TEAD4: variants seen among roughly 807,000 people sequenced by gnomAD.
The protein encoded by TEAD4 is transcriptional enhancer factor TEF-3.
TEAD4 carries 36 observed loss-of-function variants against 52.4 expected under a neutral mutation model. The observed-to-expected ratio is 0.69, with a 90% CI of 0.53 to 0.91. TEAD4 has a LOEUF of 0.91. Ranked by LOEUF, TEAD4 falls within the 40% of genes least tolerant of loss-of-function variation. The pLI is 0.00. For missense variants in TEAD4, 508 were observed against 583.9 expected (o/e 0.87, Z 1.34); for synonymous variants, 220 against 231.0 (o/e 0.95, Z 0.43).
intron 2 of TEAD4, among the ~76,000 whole-genome samples, chr12:2,977,536 G>A (rs991646775): frequency 6.6e-5 from 10 of 152,196 alleles, no homozygotes; most frequent in African/African-American, 2.2e-4. Flanking sequence ...AGGTGCTGCC[G>A]TGCATTGCCT....
intron 2 of TEAD4, among the ~76,000 whole-genome samples, chr12:2,969,938 A>G (rs577627325): frequency 1.1e-4 from 17 of 152,294 alleles, no homozygotes; most frequent in African/African-American, 3.8e-4. Context: ...TTTAAAAAGT[A>G]AAAAGAGCTG....
chr12:2,962,333 A>ATATAAATATATATAT (rs1565518244), intron 2 of TEAD4, among the ~76,000 whole-genome samples: 1 of 38,048 alleles, frequency 2.6e-5, no homozygotes, highest in African/African-American at 5.4e-5. Flanking sequence ...TATAAATATA[A>ATATAAATATATATAT]ATATATATAT....
chr12:3,019,003 C>A, intron 7 of TEAD4, 112 bp from the exon 8 acceptor site: 1 of 1,347,740 alleles, frequency 7.4e-7, no homozygotes, highest in Non-Finnish European at 1.0e-6. Context: ...CCCATCGGGA[C>A]CACTGAAATC....
intron 3 of TEAD4, among the ~76,000 whole-genome samples, chr12:2,995,348 C>G (rs1417894460): frequency 6.6e-6 from 1 of 152,100 alleles, no homozygotes; most frequent in South Asian, 2.1e-4. Context: ...GAAGGATGCT[C>G]ACTCATCCCC....
rs149106714 is a variant in TEAD4 at position 2,985,464 on chromosome 12, T to C, written c.-29-9274T>C. ...TGTACAAAAATATTTTCTTAATTTA[T>C]ATCTTTATTCTATAAGCCTTCTTCT... On this transcript the variant is annotated intron_variant, in intron 2 of 12. Coordinates refer to ENST00000359864, the MANE Select transcript of TEAD4 (RefSeq NM_003213.4). Among the ~76,000 whole-genome samples, 385 of 151,640 alleles carry C rather than the reference T, an allele frequency of 2.5e-3. 1 individual carries two copies. The highest frequency in any genetic ancestry group is 8.8e-3 in the African/African-American group (366 of 41,388).
chr12:3,006,748 G>A (rs772968191), intron 3 of TEAD4, among the ~76,000 whole-genome samples: 17 of 151,300 alleles, frequency 1.1e-4, no homozygotes, highest in Non-Finnish European at 1.9e-4. Context: ...AAGATGGGCC[G>A]GGTGTGGTGG....
chr12:3,013,461 A>G (rs1465628845), intron 5 of TEAD4, among the ~76,000 whole-genome samples: 1 of 151,282 alleles, frequency 6.6e-6, no homozygotes, highest in East Asian at 2.0e-4. Flanking sequence ...CTGGGAGGCC[A>G]GGCGCGGTGG....
At chr12:2,972,875 G>C (rs73246950) in intron 2 of TEAD4, among the ~76,000 whole-genome samples, 27,553 of 151,934 alleles carry the variant, frequency 0.18, 3,847 homozygotes, top group African/African-American at 0.39. Context: ...GCAAAATACA[G>C]TGTTTTTGGT....
chr12:3,040,269 G>A lies in TEAD4; in HGVS notation c.1191+10G>A, dbSNP rs370793269. 811 of 1,614,020 alleles carry A rather than the reference G, an allele frequency of 5.0e-4. 1 individual carries two copies. The highest frequency in any genetic ancestry group is 6.1e-4 in the Non-Finnish European group (719 of 1,179,996). ...CTTCACCATCCTGCAGGTGTGCGGC[G>A]GGTGCTGCGGGTGTGGCTGGAGTCT... On this transcript the variant is annotated intron_variant, in intron 12 of 12. Coordinates refer to ENST00000359864, the MANE Select transcript of TEAD4 (RefSeq NM_003213.4).
intron 2 of TEAD4, among the ~76,000 whole-genome samples, chr12:2,992,042 G>A (rs1273445388): frequency 3.0e-4 from 43 of 144,404 alleles, no homozygotes; most frequent in African/African-American, 9.0e-4. Flanking sequence ...TTTTTGAGGC[G>A]GAGTCTCGCT....
At chr12:2,977,042 C>G (rs572255888) in intron 2 of TEAD4, among the ~76,000 whole-genome samples, 1 of 151,490 alleles carries the variant, frequency 6.6e-6, no homozygotes, top group South Asian at 2.1e-4. Context: ...GGGCAATGAC[C>G]GTGAATCACG....
At position 3,039,457 on chromosome 12, in the gene TEAD4, C is replaced by G. The variant is rs144004363; in HGVS notation, c.1039-650C>G. 8.3e-3 allele frequency among the ~76,000 whole-genome samples: 1,259 copies of G among 152,234 alleles called. 21 individuals carry two copies. Among genetic ancestry groups the G allele is most frequent in the African/African-American group, 0.029 (1,192 of 41,550 alleles). ...AGATTTCACCAGTTTTATCGGCACTCCTATGTGCGCTTGCATGCGTGTGTG... is the reference window on the plus strand; with the variant it reads ...AGATTTCACCAGTTTTATCGGCACTGCTATGTGCGCTTGCATGCGTGTGTG... On this transcript the variant is annotated intron_variant, in intron 11 of 12. Transcript: ENST00000359864.
chr12:2,964,233 C>T (rs1214185364), intron 2 of TEAD4, among the ~76,000 whole-genome samples: 1 of 152,190 alleles, frequency 6.6e-6, no homozygotes, highest in East Asian at 1.9e-4. Context: ...CACGCTCGCC[C>T]CTGCCAGGAC....
At chr12:3,023,200 G>GC (rs768672330) in intron 10 of TEAD4, among the ~76,000 whole-genome samples, 8 of 152,276 alleles carry the variant, frequency 5.3e-5, no homozygotes, top group Middle Eastern at 3.4e-3. Context: ...TGAGGGATGG[G>GC]CACATCTATT....
chr12:3,020,217 C>T (rs1258316514), intron 8 of TEAD4, among the ~76,000 whole-genome samples: 5 of 152,320 alleles, frequency 3.3e-5, no homozygotes, highest in South Asian at 2.1e-4. Context: ...AAACAGGAAA[C>T]GTCCCCGTCT....
chr12:2,970,534 G>T (rs949923664), intron 2 of TEAD4, among the ~76,000 whole-genome samples: 3 of 152,244 alleles, frequency 2.0e-5, no homozygotes, highest in African/African-American at 7.2e-5. Context: ...GTCGAAGCTG[G>T]AATTTGTAAG....
chr12:3,017,425 C>T lies in TEAD4; in HGVS notation c.382C>T (p.Gln128Ter). Reference sequence around the variant, plus strand: ...CCAGGCAGCTAAGGACAAGGCCCTGCAGAGCATGGCTGCCATGTCGTCTGC... The same window carrying T: ...CCAGGCAGCTAAGGACAAGGCCCTGTAGAGCATGGCTGCCATGTCGTCTGC... Residue 128 changes from glutamine to a stop codon, truncating the protein, a stop_gained, in exon 6 of 13, where the codon CAG becomes TAG. Transcript: ENST00000359864. LOFTEE classifies it high-confidence loss of function. 6.2e-7 allele frequency: 1 copy of T among 1,614,156 alleles called. No homozygotes were observed. The highest frequency in any genetic ancestry group is 8.5e-7 in the Non-Finnish European group (1 of 1,180,046).
chr12:2,995,377 A>G (rs952783309), intron 3 of TEAD4, among the ~76,000 whole-genome samples: 1 of 152,122 alleles, frequency 6.6e-6, no homozygotes, highest in Non-Finnish European at 1.5e-5. Flanking sequence ...TCACTCATTC[A>G]TGCAACAAAC....
intron 2 of TEAD4, among the ~76,000 whole-genome samples, chr12:2,988,081 C>CAAAAT (rs1025343401): frequency 1.3e-5 from 2 of 151,288 alleles, no homozygotes; most frequent in East Asian, 4.0e-4. Context: ...AAAACAAAAA[C>CAAAAT]AAAATAAAAT....
Sources: gnomAD v4.1 joint callset for allele counts (sites outside exome capture counted in the v4.1 genomes callset) on GRCh38, gnomAD v4.1.1 for gene constraint, MANE v1.5 for transcripts, NCBI Gene and HGNC (gene_info 2026-07-23, HGNC 2026-07-21) for gene names.